CATSPERT: variants seen among roughly 807,000 people sequenced by gnomAD.
CATSPERT encodes cation channel sperm-associated targeting subunit tau.
chr2:201,571,971 G>A, the CATSPERT span: 2 of 1,613,290 alleles, frequency 1.2e-6, no homozygotes, highest in Non-Finnish European at 1.7e-6. Context: ...TGGAGGTGGT[G>A]CAAGATTCAT....
the CATSPERT span, among the ~76,000 whole-genome samples, chr2:201,545,884 A>G: frequency 4.6e-5 from 7 of 152,248 alleles, no homozygotes; most frequent in Admixed American, 3.3e-4. Flanking sequence ...AGAGTATTTG[A>G]GTGATGAATG....
At chr2:201,488,583 G>T in the CATSPERT span, among the ~76,000 whole-genome samples, 1 of 152,106 alleles carries the variant, frequency 6.6e-6, no homozygotes, top group Non-Finnish European at 1.5e-5. Context: ...GCTATATAAG[G>T]TATGAATCTA....
the CATSPERT span, among the ~76,000 whole-genome samples, chr2:201,588,996 C>T: frequency 6.6e-6 from 1 of 152,022 alleles, no homozygotes. Context: ...GAATGAACTC[C>T]CATTCACAAC....
chr2:201,565,338 G>T, the CATSPERT span, among the ~76,000 whole-genome samples: 1 of 151,448 alleles, frequency 6.6e-6, no homozygotes, highest in South Asian at 2.1e-4. Flanking sequence ...GTGTGGTGAT[G>T]TGTGATGTGT....
the CATSPERT span, among the ~76,000 whole-genome samples, chr2:201,526,688 T>C: frequency 2.6e-5 from 4 of 152,026 alleles, no homozygotes; most frequent in African/African-American, 9.7e-5. Context: ...TCAATAGACA[T>C]AGAAAAAGCT....
chr2:201,500,613 AATAC>A, the CATSPERT span, among the ~76,000 whole-genome samples: 1 of 152,172 alleles, frequency 6.6e-6, no homozygotes, highest in Non-Finnish European at 1.5e-5. Context: ...TCCTGCCTGG[AATAC>A]ATGTGATGCC....
At chr2:201,533,312 T>C in the CATSPERT span, among the ~76,000 whole-genome samples, 4 of 152,138 alleles carry the variant, frequency 2.6e-5, no homozygotes, top group Non-Finnish European at 5.9e-5. Flanking sequence ...ACACTGAACA[T>C]GGGCTGCAAC....
At chr2:201,560,423 A>AAATAATAATAAT in the CATSPERT span, among the ~76,000 whole-genome samples, 4 of 126,438 alleles carry the variant, frequency 3.2e-5, no homozygotes, top group Non-Finnish European at 6.6e-5. Context: ...ACTCTGTCTC[A>AAATAATAATAAT]AATAATAATA....
chr2:201,599,417 A>G, the CATSPERT span, among the ~76,000 whole-genome samples: 2 of 152,244 alleles, frequency 1.3e-5, no homozygotes, highest in Non-Finnish European at 2.9e-5. Flanking sequence ...GAAAAATATT[A>G]TCTCTCAATT....
chr2:201,581,616 A>T, the CATSPERT span, among the ~76,000 whole-genome samples: 2 of 110,994 alleles, frequency 1.8e-5, no homozygotes, highest in Admixed American at 2.1e-4. Flanking sequence ...TCTGGAAAAT[A>T]TTTTTTTTCC....
chr2:201,514,057 T>C, the CATSPERT span, among the ~76,000 whole-genome samples: 1 of 152,144 alleles, frequency 6.6e-6, no homozygotes, highest in Non-Finnish European at 1.5e-5. Context: ...TACTTAGAAA[T>C]TTATAATAAT....
chr2:201,506,314 C>T, the CATSPERT span, among the ~76,000 whole-genome samples: 1 of 151,854 alleles, frequency 6.6e-6, no homozygotes, highest in South Asian at 2.1e-4. Flanking sequence ...TCAACATTTA[C>T]AGATAAATGA....
chr2:201,487,830 AT>A, the CATSPERT span: 1 of 1,614,116 alleles, frequency 6.2e-7, no homozygotes, highest in Non-Finnish European at 8.5e-7. Context: ...AAAAGCCTTG[AT>A]CTTGATTTTA....
At chr2:201,616,123 G>A in the CATSPERT span, among the ~76,000 whole-genome samples, 1 of 152,276 alleles carries the variant, frequency 6.6e-6, no homozygotes, top group East Asian at 1.9e-4. Context: ...AATTCTACCA[G>A]AGGTACAAAG....
chr2:201,593,630 A>T, the CATSPERT span, among the ~76,000 whole-genome samples: 1 of 146,502 alleles, frequency 6.8e-6, no homozygotes, highest in African/African-American at 2.5e-5. Flanking sequence ...TTTGTAGGTC[A>T]CTCAGGACTT....
the CATSPERT span, among the ~76,000 whole-genome samples, chr2:201,540,683 G>C: frequency 1.3e-5 from 2 of 152,170 alleles, no homozygotes; most frequent in East Asian, 3.8e-4. Context: ...GGTCATCCAA[G>C]AGCTCTGATG....
chr2:201,494,643 C>G, the CATSPERT span: 11 of 1,537,052 alleles, frequency 7.2e-6, no homozygotes, highest in Non-Finnish European at 9.6e-6. Flanking sequence ...GCTCTATGAC[C>G]TCTGCACCTA....
the CATSPERT span, among the ~76,000 whole-genome samples, chr2:201,614,059 T>G: frequency 6.6e-6 from 1 of 151,996 alleles, no homozygotes; most frequent in Admixed American, 6.6e-5. Flanking sequence ...TGGGACTACG[T>G]GAAAAGACCA....
chr2:201,519,252 A>G, the CATSPERT span, among the ~76,000 whole-genome samples: 2 of 152,196 alleles, frequency 1.3e-5, no homozygotes, highest in African/African-American at 4.8e-5. Flanking sequence ...TGAGATGCAA[A>G]TGACACAAGC....
Sources: allele counts gnomAD v4.1 joint callset (sites outside exome capture counted in the v4.1 genomes callset), GRCh38; gene constraint gnomAD v4.1.1; transcripts MANE v1.5; gene names NCBI Gene and HGNC (gene_info 2026-07-23, HGNC 2026-07-21).